Variants in IMMP2L observed in about 807,000 individuals in gnomAD.
IMMP2L encodes mitochondrial inner membrane protease subunit 2.
Under a neutral mutation model 19.3 loss-of-function variants are expected in IMMP2L, and 18 were observed. That is an observed-to-expected ratio of 0.93 (90% confidence interval 0.64 to 1.38). The LOEUF (loss-of-function observed/expected upper bound fraction) is 1.38, where lower values mean the gene tolerates loss of function less well. Ranked by LOEUF, IMMP2L falls within the 40% of genes most tolerant of loss-of-function variation. The probability of loss-of-function intolerance (pLI) is 0.00; values close to 1 mark genes in which losing one functional copy is unlikely to be tolerated. For synonymous variants in IMMP2L, 76 were observed against 73.0 expected (o/e 1.04, Z -0.21); for missense variants, 233 against 218.2 (o/e 1.07, Z -0.43).
At chr7:110,979,435 TA>T (rs1821026221) in intron 3 of IMMP2L, among the ~76,000 whole-genome samples, 1 of 152,186 alleles carries the variant, frequency 6.6e-6, no homozygotes, top group South Asian at 2.1e-4. Flanking sequence ...GTCATTTTTT[TA>T]AATTAATAGT....
At chr7:110,718,557 A>C (rs2130751692) in intron 5 of IMMP2L, among the ~76,000 whole-genome samples, 1 of 152,330 alleles carries the variant, frequency 6.6e-6, no homozygotes, top group South Asian at 2.1e-4. Flanking sequence ...GCAGAGAAGT[A>C]TGATAGAATG....
intron 3 of IMMP2L, among the ~76,000 whole-genome samples, chr7:111,191,766 G>A (rs1808906344): frequency 1.3e-5 from 2 of 151,862 alleles, no homozygotes; most frequent in Admixed American, 1.3e-4. Flanking sequence ...TTTTTTAAAG[G>A]GCACTTCAAG....
chr7:111,539,229 A>G (rs1298952526), intron 1 of IMMP2L, among the ~76,000 whole-genome samples: 3 of 138,074 alleles, frequency 2.2e-5, no homozygotes, highest in Non-Finnish European at 3.1e-5. Context: ...AAAGAAAGAA[A>G]GAAAGAAAGA....
chr7:110,769,797 C>T (rs1397849599), intron 5 of IMMP2L, among the ~76,000 whole-genome samples: 1 of 152,146 alleles, frequency 6.6e-6, no homozygotes, highest in Non-Finnish European at 1.5e-5. Flanking sequence ...GACAATACTG[C>T]TGACCCAATA....
At chr7:111,209,520 G>C (rs1586840118) in intron 3 of IMMP2L, among the ~76,000 whole-genome samples, 2 of 151,572 alleles carry the variant, frequency 1.3e-5, no homozygotes, top group African/African-American at 4.9e-5. Context: ...TATCAATACA[G>C]TATTTCTCTA....
intron 5 of IMMP2L, among the ~76,000 whole-genome samples, chr7:110,813,423 C>T (rs1322288869): frequency 6.7e-6 from 1 of 149,518 alleles, no homozygotes; most frequent in Non-Finnish European, 1.5e-5. Context: ...AAAGTTAAAA[C>T]ATTTCTTTCT....
At chr7:111,286,143 GAGA>G (rs1457284013) in intron 3 of IMMP2L, among the ~76,000 whole-genome samples, 1 of 152,096 alleles carries the variant, frequency 6.6e-6, no homozygotes, top group Non-Finnish European at 1.5e-5. Context: ...AAAATAATAA[GAGA>G]AGAAGATGGA....
At chr7:111,452,924 A>T (rs534082630) in intron 3 of IMMP2L, among the ~76,000 whole-genome samples, 1 of 152,268 alleles carries the variant, frequency 6.6e-6, no homozygotes, top group East Asian at 1.9e-4. Flanking sequence ...TCAAAAGGGC[A>T]GGGATCTACA....
intron 2 of IMMP2L, among the ~76,000 whole-genome samples, chr7:111,515,332 G>C (rs1234876050): frequency 6.6e-6 from 1 of 152,014 alleles, no homozygotes; most frequent in Non-Finnish European, 1.5e-5. Flanking sequence ...TTTTCTTACA[G>C]AACAGATTTT....
intron 3 of IMMP2L, among the ~76,000 whole-genome samples, chr7:111,191,230 T>C (rs1406564003): frequency 6.6e-6 from 1 of 152,126 alleles, no homozygotes; most frequent in Admixed American, 6.6e-5. Context: ...AAATATTCTT[T>C]GAACATTCCT....
chr7:111,224,622 T>C (rs1812878236), intron 3 of IMMP2L, among the ~76,000 whole-genome samples: 1 of 152,126 alleles, frequency 6.6e-6, no homozygotes, highest in African/African-American at 2.4e-5. Flanking sequence ...TTTAAAGCAG[T>C]GGCTCTTAAA....
chr7:111,097,734 A>G (rs1245000692), intron 3 of IMMP2L, among the ~76,000 whole-genome samples: 4 of 151,862 alleles, frequency 2.6e-5, no homozygotes. Flanking sequence ...TTCTATTTTT[A>G]TCAAAACTCA....
chr7:111,484,263 T>C (rs555651431), intron 3 of IMMP2L, among the ~76,000 whole-genome samples: 2 of 152,326 alleles, frequency 1.3e-5, no homozygotes, highest in East Asian at 3.9e-4. Flanking sequence ...ATTGTTTTCA[T>C]CAGTGCTCTG....
chr7:111,540,623 A>G (rs1848426776), intron 1 of IMMP2L, among the ~76,000 whole-genome samples: 1 of 152,146 alleles, frequency 6.6e-6, no homozygotes, highest in Non-Finnish European at 1.5e-5. Flanking sequence ...TTGGCACCCA[A>G]GAGTGTTAGT....
chr7:110,850,452 ATAACTGAAAG>A (rs1300336315), intron 5 of IMMP2L, among the ~76,000 whole-genome samples: 2 of 152,106 alleles, frequency 1.3e-5, no homozygotes, highest in African/African-American at 4.8e-5. Context: ...TGATTTACAT[ATAACTGAAAG>A]TGGGTTTACA....
intron 4 of IMMP2L, among the ~76,000 whole-genome samples, chr7:110,891,428 A>G: frequency 6.6e-6 from 1 of 152,210 alleles, no homozygotes; most frequent in East Asian, 1.9e-4. Context: ...AATTGGCCCC[A>G]GGCATCTGGC....
intron 3 of IMMP2L, among the ~76,000 whole-genome samples, chr7:111,290,866 ATATC>A (rs529035071): frequency 1.1e-3 from 173 of 151,874 alleles, no homozygotes; most frequent in Non-Finnish European, 2.0e-3. Context: ...ACATATATAT[ATATC>A]TAATTTTCTA....
rs192460801 is a variant in IMMP2L at position 111,441,934 on chromosome 7, C to T, written c.239+45304G>A. Among the ~76,000 whole-genome samples, 3 of 151,700 alleles carry T rather than the reference C, an allele frequency of 2.0e-5. No homozygotes were observed. In the East Asian group the frequency reaches 5.8e-4, roughly 29 times the overall value. On this transcript the variant is annotated intron_variant, in intron 3 of 5. Transcript: ENST00000405709. ...CGGGCAGATCACAAGGTCAGTAGATCGAGACCACCCTGGCCAACATGGTGA... is the reference window on the plus strand; with the variant it reads ...CGGGCAGATCACAAGGTCAGTAGATTGAGACCACCCTGGCCAACATGGTGA...
intron 3 of IMMP2L, among the ~76,000 whole-genome samples, chr7:111,102,864 A>G (rs1307350855): frequency 6.6e-6 from 1 of 151,564 alleles, no homozygotes; most frequent in Non-Finnish European, 1.5e-5. Flanking sequence ...AATCTTTGAA[A>G]TTATAAATCT....
Sources: gnomAD v4.1 joint callset for allele counts (sites outside exome capture counted in the v4.1 genomes callset) on GRCh38, gnomAD v4.1.1 for gene constraint, MANE v1.5 for transcripts, NCBI Gene and HGNC (gene_info 2026-07-23, HGNC 2026-07-21) for gene names.